The following POTEB3 variants were observed in gnomAD, a reference collection of about 807,000 sequenced individuals.
POTEB3 encodes ANKRD26-like family B member 1.
In POTEB3, 5 loss-of-function variants were observed where a neutral mutation model predicts 39.8. The observed-to-expected ratio is 0.13, with a 90% CI of 0.07 to 0.26. POTEB3 has a LOEUF of 0.26. Ranked by LOEUF, POTEB3 falls within the 10% of genes least tolerant of loss-of-function variation. POTEB3 has a pLI of 1.00. For missense variants in POTEB3, 24 were observed against 475.6 expected (o/e 0.05, Z 8.83); for synonymous variants, 5 against 161.5 (o/e 0.03, Z 7.35).
In POTEB3 at chr15:21,405,870, G is replaced by A. The variant is rs1898219239; in HGVS notation, c.*3113C>T. Among the ~76,000 whole-genome samples, 1 of 82,106 alleles carries A rather than the reference G, an allele frequency of 1.2e-5. No homozygotes were observed. Among genetic ancestry groups the A allele is most frequent in the South Asian group, 3.0e-4 (1 of 3,384 alleles). The allele number at this position is 82,106 out of a possible 152,430, so 53.9% of individuals were successfully genotyped here. A position where few individuals can be genotyped will look rare whatever the true frequency, so the allele number is the denominator to read the frequency against. On this transcript the variant is annotated 3_prime_UTR_variant, in exon 11 of 11. Coordinates refer to ENST00000611217, the MANE Select transcript of POTEB3 (RefSeq NM_207355.5). Reference sequence around the variant, plus strand: ...AAGTCTGATGGAATTCCCTTTGCAGGTGATGTTGCCTTTCTCCCTAGCTGC... The same window carrying A: ...AAGTCTGATGGAATTCCCTTTGCAGATGATGTTGCCTTTCTCCCTAGCTGC...
chr15:21,425,037 T>A (rs1376624548), intron 6 of POTEB3: 1 of 147,850 alleles, frequency 6.8e-6, no homozygotes, highest in Admixed American at 6.7e-5. Context: ...ATTCCAAACT[T>A]TATTTCACCA....
At chr15:21,433,270 T>C (rs1404890241) in intron 3 of POTEB3, among the ~76,000 whole-genome samples, 14 of 151,146 alleles carry the variant, frequency 9.3e-5, no homozygotes, top group African/African-American at 3.4e-4. Flanking sequence ...TTGTTGTTGT[T>C]AGAGACAGGG....
At chr15:21,422,954 C>A (rs1218115177) in intron 6 of POTEB3, among the ~76,000 whole-genome samples, 2 of 145,466 alleles carry the variant, frequency 1.4e-5, no homozygotes, top group East Asian at 2.1e-4. Context: ...TTGTTTGACC[C>A]ACTGGGTCTC....
intron 3 of POTEB3, among the ~76,000 whole-genome samples, chr15:21,434,148 AT>A (rs1486927602): frequency 1.4e-5 from 2 of 141,784 alleles, no homozygotes; most frequent in Non-Finnish European, 3.1e-5. Flanking sequence ...GGTATTTCTG[AT>A]TGCTGCATTT....
chr15:21,426,775 C>T (rs1179575354), intron 6 of POTEB3, among the ~76,000 whole-genome samples: 3 of 111,762 alleles, frequency 2.7e-5, no homozygotes, highest in East Asian at 2.2e-4. Context: ...AACCAGGTGG[C>T]ATACTAGTAT....
intron 9 of POTEB3, among the ~76,000 whole-genome samples, chr15:21,417,927 C>T (rs1898435558): frequency 9.3e-6 from 1 of 107,018 alleles, no homozygotes; most frequent in Admixed American, 8.3e-5. Context: ...GCAGCACCTT[C>T]CTTTTAGCAC....
chr15:21,422,743 A>G (rs1898557662), intron 6 of POTEB3, among the ~76,000 whole-genome samples: 1 of 151,376 alleles, frequency 6.6e-6, no homozygotes, highest in Non-Finnish European at 1.5e-5. Context: ...ACAAATGCAT[A>G]TATTTTGCAA....
At chr15:21,422,453 T>C (rs1898544645) in intron 6 of POTEB3, among the ~76,000 whole-genome samples, 1 of 128,980 alleles carries the variant, frequency 7.8e-6, no homozygotes, top group East Asian at 2.1e-4. Flanking sequence ...TAAAATACAG[T>C]AGAAACATAT....
chr15:21,425,097 G>C (rs1310392666), intron 6 of POTEB3: 1 of 144,514 alleles, frequency 6.9e-6, no homozygotes, highest in African/African-American at 2.6e-5. Context: ...AAGGATGTGT[G>C]ACATGGAAAC....
At chr15:21,424,756 A>G (rs1898611528) in intron 6 of POTEB3, among the ~76,000 whole-genome samples, 2 of 151,614 alleles carry the variant, frequency 1.3e-5, no homozygotes, top group Non-Finnish European at 2.9e-5. Flanking sequence ...ACTAGTGTAC[A>G]ACGTGGAAAC....
chr15:21,410,731 G>A, intron 10 of POTEB3, 147 bp downstream of exon 10: 7 of 504,086 alleles, frequency 1.4e-5, no homozygotes, highest in Non-Finnish European at 1.7e-5. Flanking sequence ...CAGGGGGTGT[G>A]TGTGTGTGTG....
In POTEB3 at chr15:21,409,335, A is replaced by C. The variant is rs1898275543; in HGVS notation, c.1534-140T>G. On this transcript the variant is annotated intron_variant, in intron 10 of 10. Transcript: ENST00000611217. ...ATATTTAACTGGAAAAAAGTTGGACAAAACTTCAAATCTAAAAGAGTGTAA... is the reference window on the plus strand; with the variant it reads ...ATATTTAACTGGAAAAAAGTTGGACCAAACTTCAAATCTAAAAGAGTGTAA... 2.9e-6 allele frequency: 2 copies of C among 691,436 alleles called. 1 individual carries two copies. 42.8% of individuals were successfully genotyped at this position (691,436 alleles called of 1,614,324 possible).
At chr15:21,413,516 A>T (rs1898352417) in intron 9 of POTEB3, among the ~76,000 whole-genome samples, 1 of 16,870 alleles carries the variant, frequency 5.9e-5, no homozygotes, top group Non-Finnish European at 9.4e-5. Flanking sequence ...TTATATATAT[A>T]TATATATATA....
At chr15:21,433,238 C>G (rs1484011159) in intron 3 of POTEB3, among the ~76,000 whole-genome samples, 2 of 151,148 alleles carry the variant, frequency 1.3e-5, no homozygotes, top group Non-Finnish European at 3.0e-5. Flanking sequence ...AGGAGTGTAT[C>G]CGGATTTTGA....
chr15:21,419,948 A>T (rs1369583238), intron 8 of POTEB3, among the ~76,000 whole-genome samples: 7 of 116,750 alleles, frequency 6.0e-5, no homozygotes. Flanking sequence ...AGAATCTTAT[A>T]TATGAATTTA....
intron 6 of POTEB3, among the ~76,000 whole-genome samples, chr15:21,422,910 C>A (rs1342496917): frequency 6.8e-5 from 10 of 146,300 alleles, no homozygotes; most frequent in African/African-American, 2.5e-4. Context: ...TGATGCAAAT[C>A]CGCTGAGCTG....
chr15:21,433,984 C>A (rs1246131922), intron 3 of POTEB3, among the ~76,000 whole-genome samples: 3 of 146,020 alleles, frequency 2.1e-5, no homozygotes, highest in Admixed American at 6.8e-5. Flanking sequence ...TGGAAAAGAA[C>A]CCTGTCTCAC....
At chr15:21,421,941 T>A (rs1463777381) in intron 7 of POTEB3, among the ~76,000 whole-genome samples, 179 bp downstream of exon 7, 2 of 152,056 alleles carry the variant, frequency 1.3e-5, no homozygotes, top group East Asian at 3.9e-4. Context: ...ATTCTTCTGT[T>A]AATGAGATTG....
At chr15:21,414,408 A>G (rs1898375833) in intron 9 of POTEB3, among the ~76,000 whole-genome samples, 1 of 110,690 alleles carries the variant, frequency 9.0e-6, no homozygotes, top group South Asian at 2.3e-4. Flanking sequence ...TCTGGAATAT[A>G]AAATACTTTC....
Sources: allele counts gnomAD v4.1 joint callset (sites outside exome capture counted in the v4.1 genomes callset), GRCh38; gene constraint gnomAD v4.1.1; transcripts MANE v1.5; gene names NCBI Gene and HGNC (gene_info 2026-07-23, HGNC 2026-07-21).